PARD3B: variants seen among roughly 807,000 people sequenced by gnomAD.
PARD3B encodes par-3 family cell polarity regulator beta.
A neutral mutation model predicts 130.2 loss-of-function variants in PARD3B; 103 were observed. The ratio of observed to expected loss-of-function variants is 0.79; its 90% CI spans 0.67 to 0.93. The LOEUF (loss-of-function observed/expected upper bound fraction) is 0.93. PARD3B is among the 40% of genes least tolerant of loss of function. The pLI is 0.00. For missense variants in PARD3B, 1,609 were observed against 1,499.2 expected (o/e 1.07, Z -1.21); for synonymous variants, 583 against 553.2 (o/e 1.05, Z -0.76).
At chr2:204,741,837 TG>T (rs1334562658) in intron 2 of PARD3B, among the ~76,000 whole-genome samples, 1 of 150,852 alleles carries the variant, frequency 6.6e-6, no homozygotes, top group Non-Finnish European at 1.5e-5. Flanking sequence ...CATTATATAA[TG>T]GGCTTTTCTA....
chr2:205,158,899 G>C lies in PARD3B; in HGVS notation c.1612G>C (p.Ala538Pro). Reference protein sequence around the residue: ...FIKSIIHGGAAFKDGRLRMND... With the variant: ...FIKSIIHGGAPFKDGRLRMND... ...CAAATCCATCATTCATGGAGGCGCT[G>C]CTTTTAAGGTGGGTAGGAATGACAT... is the stretch of plus-strand genomic sequence containing the variant. The change falls in exon 11 of 23, where the codon GCT (alanine) becomes CCT (proline). Residue 538 changes from alanine (A) to proline (P), a missense_variant. Coordinates refer to ENST00000406610, the MANE Select transcript of PARD3B (RefSeq NM_001302769.2). The surrounding 1 kb of genome is among the most constrained non-coding windows in gnomAD (Gnocchi z 5.4). The C allele has an allele frequency of 6.2e-7, 1 of 1,613,720 alleles. No individual in the cohort carries two copies. Among genetic ancestry groups the C allele is most frequent in the Non-Finnish European group, 8.5e-7 (1 of 1,179,966 alleles).
At chr2:204,721,251 T>C (rs2038982586) in intron 2 of PARD3B, among the ~76,000 whole-genome samples, 1 of 152,170 alleles carries the variant, frequency 6.6e-6, no homozygotes, top group Admixed American at 6.5e-5. Context: ...GTAATAATTA[T>C]TTACGGCACT....
intron 16 of PARD3B, among the ~76,000 whole-genome samples, chr2:205,255,106 T>C (rs77461037): frequency 0.037 from 5,587 of 151,990 alleles, 210 homozygotes; most frequent in Non-Finnish European, 0.048. Flanking sequence ...TCTGACCATA[T>C]TTTGCCCTTT....
chr2:205,106,957 T>A (rs1003738790), intron 5 of PARD3B, among the ~76,000 whole-genome samples: 17 of 151,952 alleles, frequency 1.1e-4, no homozygotes, highest in African/African-American at 3.4e-4. Context: ...TGAAGTGAAA[T>A]TAGGAAGCCA....
intron 19 of PARD3B, among the ~76,000 whole-genome samples, chr2:205,416,357 T>C (rs893969139): frequency 6.6e-6 from 1 of 152,214 alleles, no homozygotes; most frequent in Non-Finnish European, 1.5e-5. Context: ...ATTGGAAAAG[T>C]ATTATTTTAG....
intron 14 of PARD3B, among the ~76,000 whole-genome samples, chr2:205,189,328 T>G (rs1464089725): frequency 6.6e-6 from 1 of 152,220 alleles, no homozygotes; most frequent in African/African-American, 2.4e-5. Context: ...CATTCATTGT[T>G]GGCTCTTATA....
chr2:204,715,144 T>C (rs2216321), intron 2 of PARD3B, among the ~76,000 whole-genome samples: 121,829 of 152,094 alleles, frequency 0.8, 49,058 homozygotes, highest in East Asian at 0.9. Context: ...TCTTTAGAAA[T>C]CCTTGTGTTC....
chr2:204,745,982 C>CT (rs202102119), intron 2 of PARD3B, among the ~76,000 whole-genome samples: 24,390 of 144,966 alleles, frequency 0.17, 2,009 homozygotes, highest in East Asian at 0.25. Context: ...GATTTTTTTT[C>CT]TTTTTTTTTT....
chr2:204,781,594 A>G (rs1390123836), intron 2 of PARD3B, among the ~76,000 whole-genome samples: 2 of 152,150 alleles, frequency 1.3e-5, no homozygotes. Flanking sequence ...ATGTACAAGA[A>G]TGGCAATAAT....
intron 22 of PARD3B, among the ~76,000 whole-genome samples, chr2:205,609,777 AAACT>A (rs2055163577): frequency 6.6e-6 from 1 of 152,184 alleles, no homozygotes; most frequent in Non-Finnish European, 1.5e-5. Context: ...CTTTCAAAAC[AAACT>A]ATCTTCTAGT....
rs1232953812 is a variant in PARD3B, at chr2:204,718,588, T to C, written c.222+32306T>C. Among the ~76,000 whole-genome samples, 6 of 151,990 alleles carry C rather than the reference T, an allele frequency of 3.9e-5. No individual in the cohort carries two copies. The East Asian group carries it at 1.2e-3, about 30-fold the overall frequency. ...GTGGGGATTACAATTTGAGATGAGG[T>C]TTGGGTGGGGACACAGAGCCAAACC... On this transcript the variant is annotated intron_variant, in intron 2 of 22. Coordinates refer to ENST00000406610, the MANE Select transcript of PARD3B (RefSeq NM_001302769.2).
At chr2:205,439,864 C>T (rs1490397840) in intron 19 of PARD3B, among the ~76,000 whole-genome samples, 1 of 152,136 alleles carries the variant, frequency 6.6e-6, no homozygotes, top group African/African-American at 2.4e-5. Context: ...ACCAGAAAGC[C>T]TCTGTATTTC....
At chr2:205,513,987 G>A (rs1253032271) in intron 21 of PARD3B, among the ~76,000 whole-genome samples, 1 of 152,036 alleles carries the variant, frequency 6.6e-6, no homozygotes, top group African/African-American at 2.4e-5. Flanking sequence ...TCCAAAGTAA[G>A]CTACTAAATC....
At chr2:205,066,155 C>T (rs1470478491) in intron 4 of PARD3B, among the ~76,000 whole-genome samples, 1 of 152,086 alleles carries the variant, frequency 6.6e-6, no homozygotes, top group Non-Finnish European at 1.5e-5. Context: ...TAAAGTTTCC[C>T]CCGACAGACC....
chr2:205,009,481 C>G (rs922025548), intron 3 of PARD3B, among the ~76,000 whole-genome samples: 4 of 151,460 alleles, frequency 2.6e-5, no homozygotes, highest in Non-Finnish European at 5.9e-5. Context: ...ACCATCCTGG[C>G]TAACACAGTG....
At chr2:204,570,385 C>T (rs1056807103) in intron 1 of PARD3B, among the ~76,000 whole-genome samples, 1 of 152,154 alleles carries the variant, frequency 6.6e-6, no homozygotes. Flanking sequence ...GACAAATAGG[C>T]TGCTTTGTGC....
At chr2:205,216,051 C>A (rs770524564) in intron 15 of PARD3B, among the ~76,000 whole-genome samples, 26 of 152,010 alleles carry the variant, frequency 1.7e-4, no homozygotes, top group Non-Finnish European at 2.6e-4. Flanking sequence ...GATGTAGTAA[C>A]ATTTCAGTCA....
rs577575632 is a variant in PARD3B, at chr2:205,480,715, C to T, written c.3045-19181C>T. On this transcript the variant is annotated intron_variant, in intron 20 of 22. Transcript: ENST00000406610. ...CAGCCTGAACAGGACCTAGTAGCTC[C>T]GTGCTCTCAACACCTTCTGTTCTTG... 7.2e-5 allele frequency among the ~76,000 whole-genome samples: 11 copies of T among 152,270 alleles called. No individual in the cohort carries two copies. The East Asian group carries it at 1.2e-3, about 16-fold the overall frequency.
intron 4 of PARD3B, among the ~76,000 whole-genome samples, chr2:205,076,280 A>G (rs1701057868): frequency 6.6e-6 from 1 of 152,216 alleles, no homozygotes; most frequent in Non-Finnish European, 1.5e-5. Context: ...CCAATGCTTC[A>G]AACAATCCCA....
Sources: allele counts gnomAD v4.1 joint callset (sites outside exome capture counted in the v4.1 genomes callset), GRCh38; gene constraint gnomAD v4.1.1; non-coding constraint Gnocchi (gnomAD v3.1); transcripts MANE v1.5; gene names NCBI Gene and HGNC (gene_info 2026-07-23, HGNC 2026-07-21).